FBXL17: variants seen among roughly 807,000 people sequenced by gnomAD.
FBXL17 encodes F-box/LRR-repeat protein 17.
In FBXL17, 22 loss-of-function variants were observed where a neutral mutation model predicts 66.2. The observed-to-expected ratio is 0.33, with a 90% CI of 0.24 to 0.47. The LOEUF is 0.47. Ranked by LOEUF, FBXL17 falls within the 20% of genes least tolerant of loss-of-function variation. FBXL17 has a pLI of 1.00. For missense variants in FBXL17, 878 were observed against 948.2 expected, an observed-to-expected ratio of 0.93 and a Z score of 0.97; for synonymous variants, 474 against 400.5, an observed-to-expected ratio of 1.18 and a Z score of -2.19.
intron 4 of FBXL17, among the ~76,000 whole-genome samples, chr5:108,242,786 C>T (rs1424326541): frequency 6.6e-6 from 1 of 151,990 alleles, no homozygotes; most frequent in Non-Finnish European, 1.5e-5. Flanking sequence ...AGATAAGTCT[C>T]TTTAAAAATC....
At chr5:108,012,898 C>G (rs1754232260) in intron 7 of FBXL17, among the ~76,000 whole-genome samples, 2 of 151,692 alleles carry the variant, frequency 1.3e-5, no homozygotes, top group South Asian at 4.2e-4. Flanking sequence ...GCCTGTAATC[C>G]CAGCTACTAG....
chr5:107,933,486 T>G (rs1025662149), intron 7 of FBXL17, among the ~76,000 whole-genome samples: 5 of 152,226 alleles, frequency 3.3e-5, no homozygotes, highest in African/African-American at 7.2e-5. Context: ...AAGTATTCTT[T>G]ACATGAAGGT....
chr5:108,093,783 C>A, intron 6 of FBXL17, among the ~76,000 whole-genome samples: 1 of 152,150 alleles, frequency 6.6e-6, no homozygotes, highest in South Asian at 2.1e-4. Context: ...TTTAACTCAG[C>A]GGGGTGTCTA....
In FBXL17 at chr5:108,216,398, A is replaced by C. The variant is rs577077119; in HGVS notation, c.1614+7723T>G. On this transcript the variant is annotated intron_variant, in intron 5 of 8. Transcript: ENST00000542267. ...TTGTGGGTTTCAGTGATCCTTGGTT[A>C]AATGTATTTATAAATGTTTTATTAT... is the stretch of plus-strand genomic sequence containing the variant. Among the ~76,000 whole-genome samples, 3 of 152,224 alleles carry C rather than the reference A, an allele frequency of 2.0e-5. No individual in the cohort carries two copies. The East Asian group carries it at 5.8e-4, about 29-fold the overall frequency.
At chr5:108,365,164 T>C (rs1050964752) in intron 2 of FBXL17, among the ~76,000 whole-genome samples, 169 bp from the exon 3 acceptor site, 1 of 152,094 alleles carries the variant, frequency 6.6e-6, no homozygotes, top group African/African-American at 2.4e-5. Context: ...GAATTTGGTA[T>C]AATAATAATA....
chr5:108,047,156 G>A (rs288131), intron 6 of FBXL17, among the ~76,000 whole-genome samples: 2 of 152,144 alleles, frequency 1.3e-5, no homozygotes, highest in Non-Finnish European at 1.5e-5. Flanking sequence ...CAGCTGGCGT[G>A]ATCTATGGAG....
chr5:108,371,530 T>C (rs1027705376), intron 1 of FBXL17, among the ~76,000 whole-genome samples: 4 of 152,084 alleles, frequency 2.6e-5, no homozygotes, highest in African/African-American at 9.7e-5. Flanking sequence ...TGCTGGCCCA[T>C]TCACAAGAAA....
Position 108,381,139 on chromosome 5 carries a change from ACGGTGT to A in FBXL17, c.547_552del (p.Thr183_Pro184del), listed in dbSNP as rs1180438939. On this transcript the variant is annotated inframe_deletion, in exon 1 of 9. Coordinates refer to ENST00000542267, the MANE Select transcript of FBXL17 (RefSeq NM_001163315.3). ...GGGGGCGTAGGGAGCTCGGCCGGTG[ACGGTGT>A]CGGCCCCCGGAAGAGCTGCACGGCG... is the stretch of plus-strand genomic sequence containing the variant. The A allele has an allele frequency of 5.8e-6, 8 of 1,383,190 alleles. No homozygotes were observed. The highest frequency in any genetic ancestry group is 3.0e-5 in the African/African-American group (2 of 66,222). The allele number at this position is 1,383,190 out of a possible 1,614,324, so 85.7% of individuals were successfully genotyped here.
rs372757775 is a variant in FBXL17 at position 107,984,188 on chromosome 5, A to G, written c.1822+36737T>C. Among the ~76,000 whole-genome samples, 29 of 152,226 alleles carry G rather than the reference A, an allele frequency of 1.9e-4. No homozygotes were observed. The East Asian group carries it at 3.9e-3, about 20-fold the overall frequency. ...GGTGGCATCAAATTGGACAAGTTAT[A>G]TAGAGGTAATATTAGTAACTTCCCA... On this transcript the variant is annotated intron_variant, in intron 7 of 8. Transcript: ENST00000542267.
chr5:108,077,614 G>A (rs776946586), intron 6 of FBXL17, among the ~76,000 whole-genome samples: 29 of 149,594 alleles, frequency 1.9e-4, no homozygotes, highest in Admixed American at 2.7e-4. Context: ...AGTGAGCCAT[G>A]TTCATACCAC....
In FBXL17 at chr5:107,864,016, CTT is replaced by C. The variant is rs532926272; in HGVS notation, c.1966-2158_1966-2157del. ...ATGGAGATTAAAGATTGCCTTTTAT[CTT>C]TGGGCTGTTCAAAATAGAGAACCAA... On this transcript the variant is annotated intron_variant, in intron 8 of 8. Transcript: ENST00000542267. Among the ~76,000 whole-genome samples, 132 of 152,370 alleles carry C rather than the reference CTT, an allele frequency of 8.7e-4. 1 individual carries two copies. The highest frequency in any genetic ancestry group is 3.1e-3 in the African/African-American group (127 of 41,586).
chr5:108,025,725 GCGCACA>G (rs1486717990), intron 6 of FBXL17, among the ~76,000 whole-genome samples: 1 of 120,554 alleles, frequency 8.3e-6, no homozygotes, highest in Admixed American at 7.7e-5. Flanking sequence ...ACACGCGCGC[GCGCACA>G]CACACACACA....
At chr5:108,288,163 G>A (rs548520913) in intron 4 of FBXL17, among the ~76,000 whole-genome samples, 6 of 151,764 alleles carry the variant, frequency 4.0e-5, no homozygotes, top group South Asian at 2.1e-4. Flanking sequence ...TGTATCAGGC[G>A]CTATGCTCAT....
intron 4 of FBXL17, among the ~76,000 whole-genome samples, chr5:108,292,809 T>C (rs535607377): frequency 1.3e-5 from 2 of 152,122 alleles, no homozygotes; most frequent in Admixed American, 6.6e-5. Flanking sequence ...TGTAAAAATA[T>C]CTTGTTGAGG....
intron 7 of FBXL17, among the ~76,000 whole-genome samples, chr5:107,907,773 A>G (rs923557265): frequency 1.3e-5 from 2 of 152,188 alleles, no homozygotes; most frequent in African/African-American, 4.8e-5. Context: ...TAGAATGGCA[A>G]TCATTAAAAA....
In FBXL17 at chr5:108,338,544, A is replaced by G. The variant is rs112470253; in HGVS notation, c.1506+9855T>C. On this transcript the variant is annotated intron_variant, in intron 4 of 8. Transcript: ENST00000542267. ...CTGAAGTAACTTGAGTACTTCTACCATCATACTTTAGAAACCAAAAATAAT... is the reference window on the plus strand; with the variant it reads ...CTGAAGTAACTTGAGTACTTCTACCGTCATACTTTAGAAACCAAAAATAAT... Among the ~76,000 whole-genome samples the G allele has an allele frequency of 1.3e-3, 202 of 152,276 alleles. 3 individuals carry two copies. The highest frequency in any genetic ancestry group is 4.8e-3 in the African/African-American group (200 of 41,576).
At chr5:108,086,248 C>T (rs546926866) in intron 6 of FBXL17, among the ~76,000 whole-genome samples, 5 of 152,058 alleles carry the variant, frequency 3.3e-5, no homozygotes, top group Admixed American at 6.5e-5. Context: ...ATCCTCATTC[C>T]AGAGAAGTCC....
intron 7 of FBXL17, among the ~76,000 whole-genome samples, chr5:107,983,251 G>C (rs1051702124): frequency 6.6e-6 from 1 of 152,090 alleles, no homozygotes; most frequent in Non-Finnish European, 1.5e-5. Flanking sequence ...TCACTACGTC[G>C]CAGGATCATA....
intron 7 of FBXL17, among the ~76,000 whole-genome samples, chr5:108,012,564 A>C (rs1754215754): frequency 6.6e-6 from 1 of 152,214 alleles, no homozygotes; most frequent in Non-Finnish European, 1.5e-5. Context: ...ACTGGAAAAA[A>C]AAGTGTTGCT....
Sources: allele counts gnomAD v4.1 joint callset (sites outside exome capture counted in the v4.1 genomes callset), GRCh38; gene constraint gnomAD v4.1.1; transcripts MANE v1.5; gene names NCBI Gene and HGNC (gene_info 2026-07-23, HGNC 2026-07-21).